EDNRB: variants seen among roughly 807,000 people sequenced by gnomAD.
The protein encoded by EDNRB is endothelin receptor type B.
EDNRB carries 18 observed loss-of-function variants against 46.4 expected under a neutral mutation model. The ratio of observed to expected loss-of-function variants is 0.39; its 90% CI spans 0.27 to 0.57. The LOEUF is 0.57. EDNRB is among the 20% of genes least tolerant of loss of function. EDNRB has a pLI of 0.61. For missense variants in EDNRB, 434 were observed against 537.5 expected, an observed-to-expected ratio of 0.81 and a Z score of 1.90; for synonymous variants, 213 against 204.9, an observed-to-expected ratio of 1.04 and a Z score of -0.34.
chr13:77,945,060 A>T (rs567104135), intron 1 of EDNRB, among the ~76,000 whole-genome samples: 3 of 152,026 alleles, frequency 2.0e-5, no homozygotes, highest in Non-Finnish European at 4.4e-5. Context: ...GTTACTGTGA[A>T]CTCAATGCCC....
At chr13:77,946,023 G>C (rs1296301453) in intron 1 of EDNRB, among the ~76,000 whole-genome samples, 2 of 152,102 alleles carry the variant, frequency 1.3e-5, no homozygotes, top group African/African-American at 2.4e-5. Flanking sequence ...AGTATTCCTT[G>C]AAAAATTTAC....
chr13:77,949,109 A>G (rs1455960400), intron 1 of EDNRB, among the ~76,000 whole-genome samples: 3 of 152,226 alleles, frequency 2.0e-5, no homozygotes. Flanking sequence ...AAGATAAGTA[A>G]ACAATGAGTG....
chr13:77,922,946 T>C (rs1283367291), upstream of EDNRB, among the ~76,000 whole-genome samples: 2 of 152,198 alleles, frequency 1.3e-5, no homozygotes, highest in East Asian at 3.9e-4. Context: ...TATCAACTTA[T>C]CTGATACATC....
intron 1 of EDNRB, among the ~76,000 whole-genome samples, chr13:77,936,618 A>G (rs1880572973): frequency 6.6e-6 from 1 of 152,186 alleles, no homozygotes; most frequent in Admixed American, 6.5e-5. Context: ...TCTGGGAAGG[A>G]GTCAGAGAGC....
At chr13:77,938,678 A>C (rs182322615) in intron 1 of EDNRB, among the ~76,000 whole-genome samples, 1 of 152,344 alleles carries the variant, frequency 6.6e-6, no homozygotes, top group East Asian at 1.9e-4. Context: ...TTGGATCCAC[A>C]GATAAAACGT....
intron 1 of EDNRB, among the ~76,000 whole-genome samples, chr13:77,960,835 T>A (rs1240773912): frequency 3.2e-5 from 4 of 125,498 alleles, no homozygotes; most frequent in South Asian, 2.5e-4. Context: ...AATAAAGGGA[T>A]GGAGGAAAAT....
intron 1 of EDNRB, among the ~76,000 whole-genome samples, chr13:77,925,035 C>A (rs1566321145): frequency 6.6e-6 from 1 of 152,182 alleles, no homozygotes; most frequent in Non-Finnish European, 1.5e-5. Flanking sequence ...CGGACTAACA[C>A]AAAGAACAAC....
At chr13:77,955,895 A>ATCTATCTC (rs1409086800) in intron 1 of EDNRB, among the ~76,000 whole-genome samples, 8 of 146,696 alleles carry the variant, frequency 5.5e-5, no homozygotes, top group African/African-American at 2.0e-4. Context: ...CTATCTATCT[A>ATCTATCTC]TTTTTATGCC....
At chr13:77,906,628 C>T (rs1444226493) in intron 1 of EDNRB, among the ~76,000 whole-genome samples, 1 of 152,002 alleles carries the variant, frequency 6.6e-6, no homozygotes. Context: ...CTCTTGAAAA[C>T]ATCAAGCACT....
rs191734004 is a variant in EDNRB, at chr13:77,901,682, G to A, written c.802-475C>T. ...CTCAGTAACATATAAATCTAACCTC[G>A]CAAAAAGACAAAATCTGCTTTTGAC... On this transcript the variant is annotated intron_variant, in intron 3 of 6. Coordinates refer to ENST00000646607, the MANE Select transcript of EDNRB (RefSeq NM_001122659.3). 1.4e-4 allele frequency among the ~76,000 whole-genome samples: 22 copies of A among 151,988 alleles called. No homozygotes were observed. In the East Asian group the frequency reaches 1.9e-3, roughly 13 times the overall value.
chr13:77,908,457 C>T (rs1402436851), intron 1 of EDNRB, among the ~76,000 whole-genome samples: 3 of 151,338 alleles, frequency 2.0e-5, no homozygotes, highest in Non-Finnish European at 4.4e-5. Flanking sequence ...TCACTCTCAA[C>T]CAAGATGCCA....
At chr13:77,919,435 G>A, upstream of EDNRB, 2 of 1,612,638 alleles carry the variant, frequency 1.2e-6, no homozygotes, top group African/African-American at 2.7e-5. Flanking sequence ...GCGACGAATG[G>A]AGACCACCTT....
At chr13:77,974,907 T>C (rs9574129) in intron 1 of EDNRB, among the ~76,000 whole-genome samples, 3 of 151,938 alleles carry the variant, frequency 2.0e-5, no homozygotes, top group South Asian at 2.1e-4. Context: ...TTCAACATAG[T>C]TCCTAGTAGG....
intron 1 of EDNRB, among the ~76,000 whole-genome samples, chr13:77,938,258 G>A (rs1306432418): frequency 6.6e-6 from 1 of 151,884 alleles, no homozygotes; most frequent in Non-Finnish European, 1.5e-5. Flanking sequence ...AGAAAAGCGG[G>A]AAAGGAGTCA....
At chr13:77,900,759 T>A in intron 4 of EDNRB, 105 bp from the exon 5 acceptor site, 2 of 1,522,528 alleles carry the variant, frequency 1.3e-6, no homozygotes, top group South Asian at 2.3e-5. Flanking sequence ...GTCAGTGGCA[T>A]ATGTAAAAAC....
At chr13:77,938,533 G>C (rs563362578) in intron 1 of EDNRB, among the ~76,000 whole-genome samples, 1 of 152,156 alleles carries the variant, frequency 6.6e-6, no homozygotes, top group Non-Finnish European at 1.5e-5. Context: ...GCCGCTAAGG[G>C]TGAATGACCA....
chr13:77,933,581 C>T (rs950212452), intron 1 of EDNRB, among the ~76,000 whole-genome samples: 7 of 152,098 alleles, frequency 4.6e-5, no homozygotes, highest in South Asian at 2.1e-4. Context: ...TGGATGTGTA[C>T]GTGCAGGTCA....
intron 1 of EDNRB, among the ~76,000 whole-genome samples, chr13:77,938,787 G>T (rs1232877304): frequency 1.3e-5 from 2 of 152,154 alleles, no homozygotes; most frequent in African/African-American, 2.4e-5. Flanking sequence ...GTGGTTGAGG[G>T]ATAGTGAGAG....
At chr13:77,934,658 C>T (rs1478083453) in intron 1 of EDNRB, among the ~76,000 whole-genome samples, 2 of 140,524 alleles carry the variant, frequency 1.4e-5, no homozygotes, top group Non-Finnish European at 3.0e-5. Flanking sequence ...GGGGCAAATC[C>T]CTGAGCTTGA....
Sources: allele counts gnomAD v4.1 joint callset (sites outside exome capture counted in the v4.1 genomes callset), GRCh38; gene constraint gnomAD v4.1.1; transcripts MANE v1.5; gene names NCBI Gene and HGNC (gene_info 2026-07-23, HGNC 2026-07-21).